Variants in RPTOR observed in about 807,000 individuals in gnomAD.
The protein encoded by RPTOR is regulatory associated protein of MTOR complex 1.
In RPTOR, 21 loss-of-function variants were observed where a neutral mutation model predicts 169.9. The observed-to-expected ratio is 0.12, with a 90% CI of 0.09 to 0.18. The LOEUF (loss-of-function observed/expected upper bound fraction) is 0.18. Ranked by LOEUF, RPTOR falls within the 10% of genes least tolerant of loss-of-function variation. The probability of loss-of-function intolerance (pLI) is 1.00; values close to 1 mark genes in which losing one functional copy is unlikely to be tolerated. For missense variants in RPTOR, 1,133 were observed against 1,855.9 expected (o/e 0.61, Z 7.16); for synonymous variants, 732 against 753.2 (o/e 0.97, Z 0.46).
chr17:80,713,277 C>T (rs1447671672), intron 4 of RPTOR, among the ~76,000 whole-genome samples: 1 of 152,154 alleles, frequency 6.6e-6, no homozygotes, highest in Non-Finnish European at 1.5e-5. Flanking sequence ...AACTTCTGAC[C>T]TCAAGTGATC....
At position 80,962,479 on chromosome 17, in the gene RPTOR, C is replaced by T. The variant is rs1568014068; in HGVS notation, c.3711C>T (p.Arg1237=). The change falls in exon 32 of 34, where the codon CGC becomes CGT. Residue 1237 remains arginine, a synonymous_variant. Coordinates refer to ENST00000306801, the MANE Select transcript of RPTOR (RefSeq NM_020761.3). ...IVSVSVNGDV[R]IFDPRMPESV... ...TTGGCAGCGTCAATGGAGATGTGCGCATCTTTGATCCCCGGATGCCTGAGT... is the reference window on the plus strand; with the variant it reads ...TTGGCAGCGTCAATGGAGATGTGCGTATCTTTGATCCCCGGATGCCTGAGT... 3.1e-6 allele frequency: 5 copies of T among 1,613,888 alleles called. No homozygotes were observed. The highest frequency in any genetic ancestry group is 4.2e-6 in the Non-Finnish European group (5 of 1,179,894).
intron 4 of RPTOR, among the ~76,000 whole-genome samples, chr17:80,715,879 A>G (rs747566728): frequency 2.0e-5 from 3 of 152,168 alleles, no homozygotes; most frequent in Admixed American, 6.5e-5. Flanking sequence ...CATCCAGGTC[A>G]CTGTGAATGC....
intron 11 of RPTOR, among the ~76,000 whole-genome samples, chr17:80,847,535 G>A (rs2067745731): frequency 1.3e-5 from 2 of 152,234 alleles, no homozygotes; most frequent in African/African-American, 4.8e-5. Flanking sequence ...TTGGGGTGGT[G>A]CAGTTGGACT....
chr17:80,814,695 T>C (rs938407675), intron 7 of RPTOR, among the ~76,000 whole-genome samples: 1 of 152,226 alleles, frequency 6.6e-6, no homozygotes, highest in African/African-American at 2.4e-5. Context: ...GTACACGGCA[T>C]CTGTTCTGTA....
intron 4 of RPTOR, among the ~76,000 whole-genome samples, chr17:80,713,261 G>T (rs948066877): frequency 3.3e-5 from 5 of 152,096 alleles, no homozygotes; most frequent in African/African-American, 1.2e-4. Flanking sequence ...AGTACAGGCT[G>T]ATCTCAACTT....
intron 13 of RPTOR, among the ~76,000 whole-genome samples, chr17:80,865,888 A>G (rs2067984282): frequency 1.3e-5 from 2 of 152,162 alleles, no homozygotes; most frequent in South Asian, 2.1e-4. Flanking sequence ...CCTTGGCCAA[A>G]TAAACCTCAA....
At chr17:80,897,193 G>A (rs911851946) in intron 20 of RPTOR, among the ~76,000 whole-genome samples, 6 of 151,422 alleles carry the variant, frequency 4.0e-5, no homozygotes, top group Non-Finnish European at 8.8e-5. Context: ...AGGTTGCAGT[G>A]AGCGGAGATC....
intron 3 of RPTOR, among the ~76,000 whole-genome samples, chr17:80,691,977 C>G (rs2065995969): frequency 6.6e-6 from 1 of 152,254 alleles, no homozygotes; most frequent in Non-Finnish European, 1.5e-5. Flanking sequence ...TGCACCACAC[C>G]TGGCAGTTTC....
chr17:80,896,892 G>A (rs2068413026), intron 20 of RPTOR, among the ~76,000 whole-genome samples: 1 of 152,324 alleles, frequency 6.6e-6, no homozygotes, highest in South Asian at 2.1e-4. Context: ...AAAGGTCACA[G>A]GCATGACGTT....
chr17:80,676,898 C>T (rs2065865034), intron 3 of RPTOR, among the ~76,000 whole-genome samples: 1 of 152,124 alleles, frequency 6.6e-6, no homozygotes, highest in Admixed American at 6.5e-5. Flanking sequence ...TACCTAGTGC[C>T]GCCTCATCTG....
chr17:80,818,617 A>G (rs1392252737), intron 7 of RPTOR, among the ~76,000 whole-genome samples: 1 of 152,210 alleles, frequency 6.6e-6, no homozygotes, highest in African/African-American at 2.4e-5. Flanking sequence ...TGCTGGATCA[A>G]GAAGCCTCAT....
chr17:80,883,021 C>T (rs969169567), intron 14 of RPTOR, among the ~76,000 whole-genome samples: 1 of 152,226 alleles, frequency 6.6e-6, no homozygotes, highest in African/African-American at 2.4e-5. Context: ...TAGAGCGCTG[C>T]CTCCATGCCT....
intron 3 of RPTOR, among the ~76,000 whole-genome samples, chr17:80,670,350 T>C (rs2065812390): frequency 6.6e-6 from 1 of 152,230 alleles, no homozygotes; most frequent in African/African-American, 2.4e-5. Flanking sequence ...CTCCTTGTTC[T>C]AATTCTCAGT....
chr17:80,566,439 A>T (rs1018409379), intron 1 of RPTOR, among the ~76,000 whole-genome samples: 1 of 152,226 alleles, frequency 6.6e-6, no homozygotes, highest in Non-Finnish European at 1.5e-5. Flanking sequence ...ATATGTACAC[A>T]TAAATAAAAT....
intron 6 of RPTOR, among the ~76,000 whole-genome samples, chr17:80,787,075 C>T (rs375264160): frequency 6.6e-5 from 10 of 152,240 alleles, no homozygotes; most frequent in East Asian, 3.8e-4. Flanking sequence ...CTGCCGCCCC[C>T]GCCCTGTGAC....
intron 3 of RPTOR, among the ~76,000 whole-genome samples, chr17:80,685,137 C>T (rs2065927760): frequency 6.6e-6 from 1 of 152,156 alleles, no homozygotes; most frequent in Admixed American, 6.5e-5. Flanking sequence ...GAGAGCGCCT[C>T]ATTCGGAGTC....
At chr17:80,611,768 T>TA (rs200700769) in intron 1 of RPTOR, among the ~76,000 whole-genome samples, 177 of 127,322 alleles carry the variant, frequency 1.4e-3, no homozygotes, top group Middle Eastern at 4.1e-3. Flanking sequence ...TTTTTTTTTT[T>TA]TAAAAAAAAC....
At chr17:80,951,348 C>CCT (rs1402575308) in intron 28 of RPTOR, among the ~76,000 whole-genome samples, 3 of 152,252 alleles carry the variant, frequency 2.0e-5, no homozygotes, top group African/African-American at 7.2e-5. Context: ...CAGGAAGCAG[C>CCT]ACTGACGAGA....
At chr17:80,842,185 AC>A (rs1261885986) in intron 10 of RPTOR, among the ~76,000 whole-genome samples, 1 of 152,180 alleles carries the variant, frequency 6.6e-6, no homozygotes, top group East Asian at 1.9e-4. Flanking sequence ...CTAGAGCCAG[AC>A]TCTGTCACAT....
Sources: gnomAD v4.1 joint callset for allele counts (sites outside exome capture counted in the v4.1 genomes callset) on GRCh38, gnomAD v4.1.1 for gene constraint, MANE v1.5 for transcripts, NCBI Gene and HGNC (gene_info 2026-07-23, HGNC 2026-07-21) for gene names.